BCHE: variants seen among roughly 807,000 people sequenced by gnomAD.
BCHE encodes the protein butyrylcholinesterase, also known as cholinesterase.
Under a neutral mutation model 51.3 loss-of-function variants are expected in BCHE, and 48 were observed. That is an observed-to-expected ratio of 0.94 (90% CI 0.74 to 1.19). BCHE has a LOEUF of 1.19. BCHE is among the 50% of genes most tolerant of loss of function. BCHE has a pLI of 0.00. For synonymous variants in BCHE, 251 were observed against 238.0 expected (o/e 1.05, Z -0.50); for missense variants, 847 against 708.2 (o/e 1.20, Z -2.23).
At chr3:165,795,411 G>A (rs2108209338) in intron 2 of BCHE, among the ~76,000 whole-genome samples, 1 of 152,178 alleles carries the variant, frequency 6.6e-6, no homozygotes, top group Admixed American at 6.5e-5. Flanking sequence ...TTTGTTTTCT[G>A]GAAGATGTAA....
chr3:165,837,371 T>C lies in BCHE; in HGVS notation c.-66A>G. 7.8e-7 allele frequency: 1 copy of C among 1,289,732 alleles called. No homozygotes were observed. The highest frequency in any genetic ancestry group is 1.0e-6 in the Non-Finnish European group (1 of 988,836). 79.9% of individuals were successfully genotyped at this position (1,289,732 alleles called of 1,614,324 possible). Reference sequence around the variant, plus strand: ...CAAGGAGTGAAAATCATGTAATACTTCGGGGAAATGCAGGATGCAGCTGCT... The same window carrying C: ...CAAGGAGTGAAAATCATGTAATACTCCGGGGAAATGCAGGATGCAGCTGCT... On this transcript the variant is annotated 5_prime_UTR_variant, in exon 1 of 4. Coordinates refer to ENST00000264381, the MANE Select transcript of BCHE (RefSeq NM_000055.4).
chr3:165,793,305 A>G (rs536553759), intron 2 of BCHE, among the ~76,000 whole-genome samples: 2 of 152,306 alleles, frequency 1.3e-5, no homozygotes, highest in Admixed American at 6.5e-5. Flanking sequence ...ATTTCCCCAA[A>G]GCATAGCTCC....
At chr3:165,816,185 T>C (rs1164458324) in intron 2 of BCHE, among the ~76,000 whole-genome samples, 1 of 151,922 alleles carries the variant, frequency 6.6e-6, no homozygotes, top group Non-Finnish European at 1.5e-5. Context: ...GCTACCTGTC[T>C]CTTGATTCCT....
intron 2 of BCHE, among the ~76,000 whole-genome samples, chr3:165,805,603 T>A (rs1032339940): frequency 6.6e-6 from 1 of 152,200 alleles, no homozygotes; most frequent in Non-Finnish European, 1.5e-5. Flanking sequence ...TTCATATGAT[T>A]CTGTAAGATC....
chr3:165,806,690 G>A (rs1713880165), intron 2 of BCHE, among the ~76,000 whole-genome samples: 1 of 151,874 alleles, frequency 6.6e-6, no homozygotes, highest in African/African-American at 2.4e-5. Flanking sequence ...AACCAAAAGG[G>A]ATTAGAATCA....
intron 2 of BCHE, among the ~76,000 whole-genome samples, chr3:165,793,875 G>A (rs140481045): frequency 0.023 from 3,506 of 152,010 alleles, 79 homozygotes; most frequent in African/African-American, 0.056. Context: ...GTGAAACCCC[G>A]TCTCTACTAA....
intron 2 of BCHE, among the ~76,000 whole-genome samples, chr3:165,807,091 C>T (rs1309930790): frequency 1.3e-5 from 2 of 151,820 alleles, no homozygotes; most frequent in African/African-American, 4.8e-5. Flanking sequence ...TTTTCATTTC[C>T]TTTTTAATTT....
intron 3 of BCHE, among the ~76,000 whole-genome samples, chr3:165,777,351 T>G (rs1576832648): frequency 6.9e-6 from 1 of 145,312 alleles, no homozygotes; most frequent in African/African-American, 2.5e-5. Flanking sequence ...AATAATGTGT[T>G]AAAAATAATG....
chr3:165,834,574 A>G (rs1715117885), intron 1 of BCHE, among the ~76,000 whole-genome samples: 1 of 151,928 alleles, frequency 6.6e-6, no homozygotes, highest in Non-Finnish European at 1.5e-5. Context: ...AATAAGCATC[A>G]CTTTGCCCTT....
At chr3:165,829,172 G>C (rs149781105) in intron 2 of BCHE, among the ~76,000 whole-genome samples, 1 of 152,070 alleles carries the variant, frequency 6.6e-6, no homozygotes, top group Non-Finnish European at 1.5e-5. Flanking sequence ...TGTGAACATT[G>C]TAAACTTGCA....
At chr3:165,792,200 A>G (rs768509602) in intron 2 of BCHE, among the ~76,000 whole-genome samples, 2 of 152,064 alleles carry the variant, frequency 1.3e-5, no homozygotes, top group Non-Finnish European at 2.9e-5. Context: ...GTGAAAAAAT[A>G]ACAAAAGTTA....
intron 2 of BCHE, among the ~76,000 whole-genome samples, chr3:165,792,672 A>G (rs1007266219): frequency 6.6e-6 from 1 of 152,246 alleles, no homozygotes; most frequent in African/African-American, 2.4e-5. Context: ...TAAGAATCTC[A>G]AATCGATTAC....
chr3:165,773,133 A>T lies in BCHE; in HGVS notation c.*249T>A, dbSNP rs150581482. On this transcript the variant is annotated 3_prime_UTR_variant, in exon 4 of 4. Coordinates refer to ENST00000264381, the MANE Select transcript of BCHE (RefSeq NM_000055.4). ...GGAAAGAAAGAAATTGAACCAGGCC[A>T]TTGTTTTAATATGCACATAATTAAC... 2.4e-4 allele frequency: 75 copies of T among 310,988 alleles called. No individual in the cohort carries two copies. The highest frequency in any genetic ancestry group is 1.5e-3 in the African/African-American group (69 of 46,216). 19.3% of individuals were successfully genotyped at this position (310,988 alleles called of 1,614,324 possible).
intron 2 of BCHE, among the ~76,000 whole-genome samples, chr3:165,794,823 C>A (rs1287917437): frequency 2.0e-5 from 3 of 151,552 alleles, no homozygotes; most frequent in Non-Finnish European, 4.4e-5. Context: ...TTAGAAATAC[C>A]CAAAATAACT....
intron 1 of BCHE, among the ~76,000 whole-genome samples, chr3:165,835,583 T>C (rs1433208822): frequency 6.6e-6 from 1 of 151,818 alleles, no homozygotes; most frequent in Non-Finnish European, 1.5e-5. Flanking sequence ...AACAACGACG[T>C]CTTTATATCA....
At position 165,786,265 on chromosome 3, in the gene BCHE, T is replaced by G; in HGVS notation, c.1564A>C (p.Lys522Gln). ...QNNSTSWPVFKSTEQKYLTLN... is the reference protein window; with the variant it reads ...QNNSTSWPVFQSTEQKYLTLN... The stretch of plus-strand genomic sequence containing the variant: ...GTTAGATATTTTTGTTCAGTGCTTT[T>G]GAAGACAGGCCAGCTTGTGCTATTG... The change falls in exon 3 of 4, where the codon AAA becomes CAA. Residue 522 changes from lysine to glutamine, a missense_variant. Coordinates refer to ENST00000264381, the MANE Select transcript of BCHE (RefSeq NM_000055.4). The G allele has an allele frequency of 6.2e-7, 1 of 1,612,202 alleles. No homozygotes were observed. The highest frequency in any genetic ancestry group is 8.5e-7 in the Non-Finnish European group (1 of 1,178,728).
intron 1 of BCHE, among the ~76,000 whole-genome samples, chr3:165,835,604 G>T (rs896955578): frequency 1.3e-5 from 2 of 151,804 alleles, no homozygotes; most frequent in East Asian, 1.9e-4. Context: ...AACTTAAAAA[G>T]CTTGTTTTGT....
chr3:165,835,578 C>T lies in BCHE; in HGVS notation c.-9+1736G>A, dbSNP rs376738750. Among the ~76,000 whole-genome samples the T allele has an allele frequency of 3.3e-4, 50 of 151,818 alleles. No homozygotes were observed. In the South Asian group the frequency reaches 9.7e-3, roughly 30 times the overall value. ...AATGTATTTGAAGAAATTGGAACAA[C>T]GACGTCTTTATATCAAACTTAAAAA... On this transcript the variant is annotated intron_variant, in intron 1 of 3. Transcript: ENST00000264381.
At chr3:165,805,436 T>C (rs1474846080) in intron 2 of BCHE, among the ~76,000 whole-genome samples, 3 of 152,034 alleles carry the variant, frequency 2.0e-5, no homozygotes, top group Non-Finnish European at 4.4e-5. Flanking sequence ...TAGATTTCAG[T>C]ATAGGTTACT....
Sources: gnomAD v4.1 joint callset for allele counts (sites outside exome capture counted in the v4.1 genomes callset) on GRCh38, gnomAD v4.1.1 for gene constraint, MANE v1.5 for transcripts, NCBI Gene and HGNC (gene_info 2026-07-23, HGNC 2026-07-21) for gene names.